The following THSD7A variants were observed in gnomAD, a reference collection of about 807,000 sequenced individuals.
The protein encoded by THSD7A is thrombospondin type-1 domain-containing protein 7A.
A neutral mutation model predicts 231.3 loss-of-function variants in THSD7A; 96 were observed. The observed-to-expected ratio is 0.41, with a 90% CI of 0.35 to 0.49. The LOEUF (loss-of-function observed/expected upper bound fraction) is 0.49. Ranked by LOEUF, THSD7A falls within the 20% of genes least tolerant of loss-of-function variation. THSD7A has a pLI of 0.05. For missense variants in THSD7A, 2,290 were observed against 2,070.2 expected (o/e 1.11, Z -2.06); for synonymous variants, 940 against 743.3 (o/e 1.26, Z -4.30).
intron 4 of THSD7A, among the ~76,000 whole-genome samples, chr7:11,586,515 A>C (rs537790802): frequency 6.6e-6 from 1 of 152,282 alleles, no homozygotes; most frequent in Admixed American, 6.5e-5. Context: ...TTTATTTCAA[A>C]AGTGAGGAAC....
At position 11,462,034 on chromosome 7, in the gene THSD7A, T is replaced by G. The variant is rs955603653; in HGVS notation, c.2478A>C (p.Ala826=). The G allele has an allele frequency of 1.2e-6, 2 of 1,613,720 alleles. No individual in the cohort carries two copies. Among genetic ancestry groups the G allele is most frequent in the Middle Eastern group, 1.7e-4 (1 of 6,054 alleles). ...DPLYEEKACE[A]PQACQSYRWK... ...ACCTGTAGCTTTGGCACGCTTGAGG[T>G]GCCTCACAGGCCTTCTCTTCATAGA... The change falls in exon 10 of 28, where the codon GCA becomes GCC. Residue 826 remains alanine (A), a synonymous_variant. Coordinates refer to ENST00000423059, the MANE Select transcript of THSD7A (RefSeq NM_015204.3).
At chr7:11,536,350 T>C (rs1788915119) in intron 6 of THSD7A, among the ~76,000 whole-genome samples, 1 of 152,186 alleles carries the variant, frequency 6.6e-6, no homozygotes, top group Non-Finnish European at 1.5e-5. Flanking sequence ...TTGGATCCCA[T>C]GTGATCCCTT....
At chr7:11,554,194 A>G (rs1159380503) in intron 4 of THSD7A, among the ~76,000 whole-genome samples, 1 of 152,028 alleles carries the variant, frequency 6.6e-6, no homozygotes, top group East Asian at 1.9e-4. Flanking sequence ...TTATTCAGAA[A>G]TAAGGCCTTT....
At chr7:11,607,979 C>T (rs749215895) in intron 2 of THSD7A, among the ~76,000 whole-genome samples, 119 of 152,166 alleles carry the variant, frequency 7.8e-4, no homozygotes, top group Non-Finnish European at 1.4e-3. Context: ...TAAACTGCTA[C>T]GGTAATGAGG....
chr7:11,658,015 G>A (rs1782772732), intron 1 of THSD7A, among the ~76,000 whole-genome samples: 1 of 151,690 alleles, frequency 6.6e-6, no homozygotes, highest in African/African-American at 2.4e-5. Context: ...TGAAAGTCAA[G>A]TACTAGATGG....
intron 19 of THSD7A, among the ~76,000 whole-genome samples, chr7:11,410,087 T>C (rs942469196): frequency 3.3e-5 from 5 of 152,306 alleles, no homozygotes; most frequent in African/African-American, 1.2e-4. Flanking sequence ...TTCAATGTTA[T>C]TGGTTATGAA....
chr7:11,517,428 A>AG (rs200435718), intron 6 of THSD7A, among the ~76,000 whole-genome samples: 2,293 of 151,510 alleles, frequency 0.015, 64 homozygotes, highest in African/African-American at 0.053. Flanking sequence ...TAAAGAGTTA[A>AG]AAAAAAAAGG....
At chr7:11,665,946 T>G (rs1783114143) in intron 1 of THSD7A, among the ~76,000 whole-genome samples, 1 of 152,134 alleles carries the variant, frequency 6.6e-6, no homozygotes, top group Admixed American at 6.6e-5. Context: ...TTAGAAGGTG[T>G]CTGTGGAAAT....
At chr7:11,559,233 C>A (rs1789977044) in intron 4 of THSD7A, among the ~76,000 whole-genome samples, 2 of 152,112 alleles carry the variant, frequency 1.3e-5, no homozygotes, top group African/African-American at 2.4e-5. Context: ...CCTGTCAGCT[C>A]CTTGATTTTA....
chr7:11,769,153 A>ATATATATTTTTTTTTTTTT, intron 1 of THSD7A, among the ~76,000 whole-genome samples: 2 of 27,662 alleles, frequency 7.2e-5, no homozygotes, highest in African/African-American at 1.2e-4. Flanking sequence ...ATATATATAT[A>ATATATATTTTTTTTTTTTT]TTTTTTTTTT....
intron 1 of THSD7A, among the ~76,000 whole-genome samples, chr7:11,670,135 A>T (rs548049217): frequency 1.4e-4 from 21 of 152,344 alleles, no homozygotes; most frequent in Non-Finnish European, 2.4e-4. Context: ...GACAGGCAAA[A>T]AGCAGATCTT....
At position 11,411,725 on chromosome 7, in the gene THSD7A, A is replaced by G. The variant is rs988908255; in HGVS notation, c.3683-403T>C. 6.6e-6 allele frequency among the ~76,000 whole-genome samples: 1 copy of G among 152,218 alleles called. No homozygotes were observed. Among genetic ancestry groups the G allele is most frequent in the African/African-American group, 2.4e-5 (1 of 41,456 alleles). ...GACGGTACTTTAACTGTGTAGTTAT[A>G]TTCAGATAAAACATACATTTTATTT... On this transcript the variant is annotated intron_variant, in intron 18 of 27. Transcript: ENST00000423059. This position sits in a 1 kb window ranked among gnomAD's most constrained non-coding sequence, Gnocchi z 4.1.
intron 1 of THSD7A, among the ~76,000 whole-genome samples, chr7:11,788,961 G>A (rs563083469): frequency 6.6e-6 from 1 of 152,014 alleles, no homozygotes; most frequent in African/African-American, 2.4e-5. Context: ...ACATAAACAA[G>A]TGGGTGTCAA....
intron 1 of THSD7A, among the ~76,000 whole-genome samples, chr7:11,717,995 C>T (rs1781201030): frequency 6.6e-6 from 1 of 151,508 alleles, no homozygotes; most frequent in Admixed American, 6.6e-5. Context: ...AAGTGAATGA[C>T]CCTTCTCAAA....
chr7:11,687,110 G>A (rs1337788390), intron 1 of THSD7A, among the ~76,000 whole-genome samples: 1 of 151,624 alleles, frequency 6.6e-6, no homozygotes, highest in East Asian at 1.9e-4. Flanking sequence ...AAACATTATA[G>A]CTTTGACTAC....
At chr7:11,597,968 A>C (rs1051635645) in intron 2 of THSD7A, among the ~76,000 whole-genome samples, 3 of 152,172 alleles carry the variant, frequency 2.0e-5, no homozygotes, top group Non-Finnish European at 4.4e-5. Context: ...GAGGAAGAGA[A>C]GACTAGGGTC....
intron 1 of THSD7A, among the ~76,000 whole-genome samples, chr7:11,688,872 G>A (rs766731774): frequency 6.6e-6 from 1 of 151,746 alleles, no homozygotes; most frequent in Non-Finnish European, 1.5e-5. Flanking sequence ...GGGATTTGTA[G>A]TAAAGTAAGT....
chr7:11,768,456 G>A (rs1172116907), intron 1 of THSD7A, among the ~76,000 whole-genome samples: 1 of 152,162 alleles, frequency 6.6e-6, no homozygotes, highest in East Asian at 1.9e-4. Context: ...GGAGTCGACA[G>A]AGATAGGAAT....
chr7:11,391,988 C>T (rs1262137951), intron 23 of THSD7A, among the ~76,000 whole-genome samples: 1 of 152,068 alleles, frequency 6.6e-6, no homozygotes, highest in African/African-American at 2.4e-5. Context: ...TAGAAATCAC[C>T]CATCTTCTGC....
Sources: gnomAD v4.1 joint callset for allele counts (sites outside exome capture counted in the v4.1 genomes callset) on GRCh38, gnomAD v4.1.1 for gene constraint, Gnocchi (gnomAD v3.1) non-coding constraint, MANE v1.5 for transcripts, NCBI Gene and HGNC (gene_info 2026-07-23, HGNC 2026-07-21) for gene names.